Variants in MAMLD1 observed in about 807,000 individuals in gnomAD.
The protein encoded by MAMLD1 is mastermind-like domain-containing protein 1.
In MAMLD1, 14 loss-of-function variants were observed where a neutral mutation model predicts 45.0. That is an observed-to-expected ratio of 0.31 (90% CI 0.21 to 0.49). The LOEUF (loss-of-function observed/expected upper bound fraction) is 0.49. Ranked by LOEUF, MAMLD1 falls within the 20% of genes least tolerant of loss-of-function variation. The pLI, the probability that MAMLD1 is intolerant of heterozygous loss-of-function variation, is 0.99. For missense variants in MAMLD1, 543 were observed against 603.6 expected, an observed-to-expected ratio of 0.90 and a Z score of 1.05; for synonymous variants, 254 against 247.8, an observed-to-expected ratio of 1.02 and a Z score of -0.24.
At chrX:150,500,576 T>C (rs2037522966) in intron 5 of MAMLD1, among the ~76,000 whole-genome samples, 1 of 111,598 alleles carries the variant, frequency 9.0e-6, no homozygotes, top group South Asian at 3.8e-4. Flanking sequence ...ACTCTATCTG[T>C]CCCATGGCTT....
intron 5 of MAMLD1, among the ~76,000 whole-genome samples, chrX:150,493,739 C>T (rs1415259541): frequency 1.8e-5 from 2 of 111,752 alleles, no homozygotes; most frequent in East Asian, 2.8e-4. Context: ...CCACAGATGG[C>T]TCATCTGTTT....
At chrX:150,421,332 G>A (rs911263324) in intron 1 of MAMLD1, among the ~76,000 whole-genome samples, 3 of 112,443 alleles carry the variant, frequency 2.7e-5, no homozygotes, top group Non-Finnish European at 5.6e-5. Context: ...TGCACCCATT[G>A]TCTGGCACTC....
rs138819489 is a variant in MAMLD1 at position 150,504,897 on chromosome X, A to G, written c.2284+1380A>G. The G allele has an allele frequency of 7.2e-4, 540 of 751,362 alleles. 3 individuals carry two copies. The African/African-American group carries it at 0.011, about 16-fold the overall frequency. The allele number at this position is 751,362 out of a possible 1,213,427, so 61.9% of individuals were successfully genotyped here. On this transcript the variant is annotated intron_variant, in intron 6 of 7. Coordinates refer to ENST00000370401, the MANE Select transcript of MAMLD1 (RefSeq NM_005491.5). ...GTCAACACAGCCACTTTGTCAGTCC[A>G]GCCTGTGAGTCAGTGCGAGACAGAG...
At chrX:150,382,787 A>C (rs2032679660) in intron 1 of MAMLD1, among the ~76,000 whole-genome samples, 1 of 111,329 alleles carries the variant, frequency 9.0e-6, no homozygotes, top group Non-Finnish European at 1.9e-5. Context: ...ATATTCTTAT[A>C]AATGTATTCA....
At position 150,369,821 on chromosome X, in the gene MAMLD1, C is replaced by A. The variant is rs1020346772; in HGVS notation, c.-64+6291C>A. On this transcript the variant is annotated intron_variant, in intron 1 of 7. Transcript: ENST00000370401. ...TGTGGGTTCTGAACCCATTGTTGAA[C>A]CTTTTCTTTTCTTCCTAATCCAGCT... Among the ~76,000 whole-genome samples, 5 of 103,529 alleles carry A rather than the reference C, an allele frequency of 4.8e-5. No individual in the cohort carries two copies. The East Asian group carries it at 9.4e-4, about 19-fold the overall frequency. 89.9% of individuals were successfully genotyped at this position (103,529 alleles called of 115,157 possible). A position where few individuals can be genotyped will look rare whatever the true frequency, so the allele number is the denominator to read the frequency against.
intron 1 of MAMLD1, among the ~76,000 whole-genome samples, chrX:150,392,500 C>T (rs1354392894): frequency 1.8e-5 from 2 of 111,181 alleles, no homozygotes; most frequent in Non-Finnish European, 3.8e-5. Flanking sequence ...CTTCCTTACA[C>T]TACCCTGATG....
intron 5 of MAMLD1, among the ~76,000 whole-genome samples, chrX:150,488,391 A>G (rs893122467): frequency 2.2e-4 from 25 of 112,607 alleles, no homozygotes; most frequent in Non-Finnish European, 3.9e-4. Context: ...GCTCCAAATA[A>G]CAGCCTGAGT....
chrX:150,405,533 C>G (rs1557402638), intron 1 of MAMLD1, among the ~76,000 whole-genome samples: 1 of 111,518 alleles, frequency 9.0e-6, no homozygotes, highest in Non-Finnish European at 1.9e-5. Context: ...ATCCTGGAGC[C>G]CACCTGTGCA....
chrX:150,499,765 A>G (rs1316902695), intron 5 of MAMLD1, among the ~76,000 whole-genome samples: 2 of 111,961 alleles, frequency 1.8e-5, no homozygotes, highest in Non-Finnish European at 3.8e-5. Flanking sequence ...CACAGAGTTC[A>G]GTGCCCAGCA....
At chrX:150,478,120 C>T (rs144796709) in intron 5 of MAMLD1, among the ~76,000 whole-genome samples, 1 of 112,292 alleles carries the variant, frequency 8.9e-6, no homozygotes, top group African/African-American at 3.2e-5. Context: ...CCTTTAATTA[C>T]TGCTGTCTCA....
At chrX:150,461,546 C>T (rs1183647604) in intron 2 of MAMLD1, among the ~76,000 whole-genome samples, 3 of 111,842 alleles carry the variant, frequency 2.7e-5, no homozygotes, top group Non-Finnish European at 5.6e-5. Context: ...GGTGTTTTCT[C>T]GGTTCATTGG....
chrX:150,368,110 T>C (rs1472705321), intron 1 of MAMLD1, among the ~76,000 whole-genome samples: 1 of 111,990 alleles, frequency 8.9e-6, no homozygotes, highest in Non-Finnish European at 1.9e-5. Flanking sequence ...GTATTTCTAC[T>C]TCTAGATCCT....
intron 1 of MAMLD1, among the ~76,000 whole-genome samples, chrX:150,398,311 GA>G (rs1569564571): frequency 2.4e-4 from 24 of 99,545 alleles, no homozygotes; most frequent in African/African-American, 7.5e-4. Context: ...AGAAGAAGAA[GA>G]AGAAGAAGAA....
intron 1 of MAMLD1, among the ~76,000 whole-genome samples, chrX:150,391,046 C>A (rs1002070227): frequency 8.9e-6 from 1 of 111,791 alleles, no homozygotes; most frequent in Admixed American, 9.5e-5. Flanking sequence ...ATTAGTGTTC[C>A]TCTTTAAGTA....
intron 6 of MAMLD1, among the ~76,000 whole-genome samples, chrX:150,506,338 T>TTCC (rs782015124): frequency 4.0e-4 from 37 of 93,085 alleles, no homozygotes; most frequent in African/African-American, 1.4e-3. Context: ...TCCCCTCCCC[T>TTCC]TCCTCCTCCT....
At chrX:150,420,909 C>G (rs1460558604) in intron 1 of MAMLD1, 3 of 112,762 alleles carry the variant, frequency 2.7e-5, no homozygotes, top group Non-Finnish European at 5.6e-5. Flanking sequence ...GTGCCCTGCC[C>G]CCAGAGGTGG....
chrX:150,508,851 G>C (rs1172687588), intron 6 of MAMLD1, among the ~76,000 whole-genome samples: 1 of 112,178 alleles, frequency 8.9e-6, no homozygotes, highest in Non-Finnish European at 1.9e-5. Context: ...GAGAAGGGGA[G>C]AGAGATGGCA....
chrX:150,453,360 A>G (rs1369616403), intron 2 of MAMLD1, among the ~76,000 whole-genome samples: 2 of 112,161 alleles, frequency 1.8e-5, no homozygotes, highest in Non-Finnish European at 3.8e-5. Context: ...GGGCCATCAC[A>G]GAAGAAGTTT....
intron 1 of MAMLD1, among the ~76,000 whole-genome samples, chrX:150,377,031 C>T (rs896371455): frequency 8.8e-6 from 1 of 113,032 alleles, no homozygotes; most frequent in Non-Finnish European, 1.9e-5. Flanking sequence ...GTGTTGGCCA[C>T]CTATAGCTTA....
Sources: gnomAD v4.1 joint callset for allele counts (sites outside exome capture counted in the v4.1 genomes callset) on GRCh38, gnomAD v4.1.1 for gene constraint, MANE v1.5 for transcripts, NCBI Gene and HGNC (gene_info 2026-07-23, HGNC 2026-07-21) for gene names.